TMC2: variants seen among roughly 807,000 people sequenced by gnomAD.
The protein encoded by TMC2 is transmembrane channel like 2.
A neutral mutation model predicts 105.9 loss-of-function variants in TMC2; 102 were observed. The ratio of observed to expected loss-of-function variants is 0.96; its 90% CI spans 0.82 to 1.14. TMC2 has a LOEUF of 1.14. Among genes scored for constraint, TMC2 ranks in the 50% most tolerant of loss-of-function variants. The pLI is 0.00. For missense variants in TMC2, 1,093 were observed against 1,134.3 expected (o/e 0.96, Z 0.52); for synonymous variants, 402 against 422.8 (o/e 0.95, Z 0.60).
intron 14 of TMC2, chr20:2,613,601 C>CCTG: frequency 5.0e-6 from 2 of 399,098 alleles, no homozygotes; most frequent in South Asian, 2.1e-5. Flanking sequence ...CACTCCAGTA[C>CCTG]TGAGCCAATG....
intron 7 of TMC2, among the ~76,000 whole-genome samples, chr20:2,589,441 C>A (rs2086254058): frequency 6.6e-6 from 1 of 152,018 alleles, no homozygotes. Flanking sequence ...TTTCATTCTT[C>A]AGCCCTTTGA....
chr20:2,577,131 C>T (rs1025878601), intron 5 of TMC2, among the ~76,000 whole-genome samples: 8 of 151,826 alleles, frequency 5.3e-5, no homozygotes, highest in Non-Finnish European at 1.5e-5. Context: ...TGGTCTTGAA[C>T]TCCTGCCCTC....
intron 19 of TMC2, among the ~76,000 whole-genome samples, chr20:2,639,029 G>A (rs2086669492): frequency 6.6e-6 from 1 of 152,038 alleles, no homozygotes; most frequent in Non-Finnish European, 1.5e-5. Flanking sequence ...CTGAGTAGCT[G>A]GGATTACAGG....
chr20:2,600,982 C>A (rs2086347069), intron 10 of TMC2, among the ~76,000 whole-genome samples: 1 of 90,988 alleles, frequency 1.1e-5, no homozygotes, highest in Admixed American at 1.6e-4. Flanking sequence ...GCAAGACTGT[C>A]TCAGAAAAAA....
chr20:2,553,609 T>C (rs2085969505), intron 2 of TMC2, among the ~76,000 whole-genome samples: 1 of 152,226 alleles, frequency 6.6e-6, no homozygotes, highest in Non-Finnish European at 1.5e-5. Context: ...TCCGTTTGCT[T>C]CTATTTTCTG....
At chr20:2,555,911 G>T (rs1288969836) in intron 2 of TMC2, among the ~76,000 whole-genome samples, 3 of 152,044 alleles carry the variant, frequency 2.0e-5, no homozygotes, top group Non-Finnish European at 4.4e-5. Context: ...GGTAGCGCAG[G>T]TACTTTATAA....
rs146221008 is a variant in TMC2 at position 2,551,339 on chromosome 20, T to C, written c.83-7117T>C. 2.5e-3 allele frequency among the ~76,000 whole-genome samples: 373 copies of C among 148,424 alleles called. 2 individuals are homozygous for C. Among genetic ancestry groups the C allele is most frequent in the African/African-American group, 8.6e-3 (346 of 40,070 alleles). On this transcript the variant is annotated intron_variant, in intron 2 of 19. Transcript: ENST00000358864. Reference sequence around the variant, plus strand: ...TCTTATTCTTGAGTTTTCATGTGTGTATTTTGGATACACGTCCTTTGTCAG... The same window carrying C: ...TCTTATTCTTGAGTTTTCATGTGTGCATTTTGGATACACGTCCTTTGTCAG...
chr20:2,551,614 C>T (rs1457542072), intron 2 of TMC2, among the ~76,000 whole-genome samples: 3 of 151,988 alleles, frequency 2.0e-5, no homozygotes, highest in Non-Finnish European at 4.4e-5. Context: ...TTATCTTTTA[C>T]AGTTTTATAG....
intron 16 of TMC2, among the ~76,000 whole-genome samples, chr20:2,620,731 A>G (rs767395408): frequency 6.6e-6 from 1 of 152,198 alleles, no homozygotes; most frequent in Non-Finnish European, 1.5e-5. Flanking sequence ...AAGAAGAAGG[A>G]AGGGTGGAAG....
At chr20:2,603,305 A>G (rs1311957566) in intron 11 of TMC2, among the ~76,000 whole-genome samples, 2 of 152,302 alleles carry the variant, frequency 1.3e-5, no homozygotes, top group East Asian at 3.9e-4. Context: ...GCATTCAAAC[A>G]GCAATTTAAA....
At chr20:2,564,413 GT>G (rs2086050041) in intron 4 of TMC2, among the ~76,000 whole-genome samples, 1 of 152,030 alleles carries the variant, frequency 6.6e-6, no homozygotes, top group African/African-American at 2.4e-5. Context: ...GCCTCCCAAA[GT>G]GCTGAGATTA....
rs1234708601 is a variant in TMC2 at position 2,597,236 on chromosome 20, T to A, written c.1162T>A (p.Tyr388Asn). The stretch of plus-strand genomic sequence containing the variant: ...CTTCAAGATGTTCACCAGCTGGGAC[T>A]ACCTGATCGGGAATTCAGAGACAGC... ...FSFKMFTSWDYLIGNSETADN... is the reference protein window; with the variant it reads ...FSFKMFTSWDNLIGNSETADN... The change falls in exon 10 of 20, where the codon TAC becomes AAC. Residue 388 changes from tyrosine to asparagine, a missense_variant. Tyr to Asn is a moderately radical substitution (Grantham distance 143). Transcript: ENST00000358864. 6.2e-7 allele frequency: 1 copy of A among 1,614,090 alleles called. No homozygotes were observed. Among genetic ancestry groups the A allele is most frequent in the East Asian group, 2.2e-5 (1 of 44,870 alleles).
intron 2 of TMC2, among the ~76,000 whole-genome samples, chr20:2,551,242 A>G (rs548696878): frequency 1.4e-4 from 22 of 152,226 alleles, no homozygotes; most frequent in African/African-American, 5.1e-4. Flanking sequence ...TCATATGCCT[A>G]TTTACCATCT....
chr20:2,554,815 T>C (rs1600098368), intron 2 of TMC2, among the ~76,000 whole-genome samples: 1 of 152,244 alleles, frequency 6.6e-6, no homozygotes, highest in Non-Finnish European at 1.5e-5. Context: ...ATGATATCTA[T>C]TGTCTTAAAT....
chr20:2,579,405 T>C (rs2086171892), intron 6 of TMC2, among the ~76,000 whole-genome samples, 178 bp downstream of exon 6: 1 of 150,182 alleles, frequency 6.7e-6, no homozygotes, highest in African/African-American at 2.4e-5. Flanking sequence ...TATTTATTTA[T>C]TTATTTATTT....
intron 16 of TMC2, among the ~76,000 whole-genome samples, chr20:2,619,883 T>C (rs1441084382): frequency 6.6e-6 from 1 of 151,990 alleles, no homozygotes; most frequent in African/African-American, 2.4e-5. Flanking sequence ...ATAAGAACCA[T>C]CTCCTACAGT....
At chr20:2,638,067 C>T (rs892183858) in intron 19 of TMC2, among the ~76,000 whole-genome samples, 4 of 152,174 alleles carry the variant, frequency 2.6e-5, no homozygotes, top group Admixed American at 6.6e-5. Context: ...CTAGGCCGGG[C>T]GTGGTGGCTC....
intron 11 of TMC2, among the ~76,000 whole-genome samples, chr20:2,605,894 C>G (rs1175272084): frequency 6.6e-6 from 1 of 152,178 alleles, no homozygotes; most frequent in Non-Finnish European, 1.5e-5. Flanking sequence ...GTCCGCAGAG[C>G]CTGTGGCCTC....
intron 7 of TMC2, among the ~76,000 whole-genome samples, chr20:2,585,559 T>C (rs112865698): frequency 6.6e-6 from 1 of 152,178 alleles, no homozygotes; most frequent in African/African-American, 2.4e-5. Flanking sequence ...GCTACAATTA[T>C]CTTGAGGCTG....
Sources: gnomAD v4.1 joint callset for allele counts (sites outside exome capture counted in the v4.1 genomes callset) on GRCh38, gnomAD v4.1.1 for gene constraint, MANE v1.5 for transcripts, NCBI Gene and HGNC (gene_info 2026-07-23, HGNC 2026-07-21) for gene names.